The following CRTAP variants were observed in gnomAD, a reference collection of about 807,000 sequenced individuals.
The protein encoded by CRTAP is cartilage-associated protein.
Under a neutral mutation model 42.7 loss-of-function variants are expected in CRTAP, and 33 were observed. The ratio of observed to expected loss-of-function variants is 0.77; its 90% CI spans 0.59 to 1.03. The LOEUF is 1.03. CRTAP is among the 50% of genes least tolerant of loss of function. The pLI is 0.00. For synonymous variants in CRTAP, 243 were observed against 217.7 expected (o/e 1.12, Z -1.02); for missense variants, 613 against 533.9 (o/e 1.15, Z -1.46).
In CRTAP at chr3:33,114,356, G is replaced by A; in HGVS notation, c.279G>A (p.Gln93=). The A allele has an allele frequency of 6.6e-7, 1 of 1,521,992 alleles. No homozygotes were observed. Among genetic ancestry groups the A allele is most frequent in the Non-Finnish European group, 8.8e-7 (1 of 1,141,202 alleles). The allele number at this position is 1,521,992 out of a possible 1,614,324, so 94.3% of individuals were successfully genotyped here. ...FCHRNCSAAP[Q]PEPAAGLASY... ...ACCGCAACTGCAGCGCCGCGCCGCA[G>A]CCCGAGCCCGCCGCCGGCCTCGCCA... is the stretch of plus-strand genomic sequence containing the variant. Residue 93 remains glutamine, a synonymous_variant, in exon 1 of 7, where the codon CAG becomes CAA. Coordinates refer to ENST00000320954, the MANE Select transcript of CRTAP (RefSeq NM_006371.5).
intron 3 of CRTAP, among the ~76,000 whole-genome samples, chr3:33,128,500 G>A (rs1014414200): frequency 5.3e-5 from 8 of 152,110 alleles, no homozygotes; most frequent in Non-Finnish European, 8.8e-5. Context: ...TGGCTGGACC[G>A]CTATATAAAT....
chr3:33,114,465 C>A lies in CRTAP; in HGVS notation c.388C>A (p.Arg130Ser), dbSNP rs969878155. 6 of 1,593,898 alleles carry A rather than the reference C, an allele frequency of 3.8e-6. No individual in the cohort carries two copies. In the East Asian group the frequency reaches 1.4e-4, roughly 36 times the overall value. The change falls in exon 1 of 7, where the codon CGC (arginine) becomes AGC (serine). Residue 130 changes from arginine (R) to serine (S), a missense_variant. By Grantham distance (110) the Arg-to-Ser change is moderately radical. Transcript: ENST00000320954. ...CTGCAAGCAGGGCCTGCCAGCCTTCCGCCAGTCCCAGCCCAGCCGCGAGGT... is the reference window on the plus strand; with the variant it reads ...CTGCAAGCAGGGCCTGCCAGCCTTCAGCCAGTCCCAGCCCAGCCGCGAGGT... ...KRCKQGLPAF[R>S]QSQPSREVLA... is the part of the protein sequence containing the mutation.
chr3:33,122,994 C>T (rs1042204602), intron 2 of CRTAP, among the ~76,000 whole-genome samples: 9 of 152,002 alleles, frequency 5.9e-5, no homozygotes, highest in Admixed American at 3.9e-4. Flanking sequence ...GATGAAGTCT[C>T]GCCCTGTTGC....
rs1306748698 is a variant in CRTAP at position 33,147,729 on chromosome 3, TTTTG to T, written c.*5285_*5288del. On this transcript the variant is annotated 3_prime_UTR_variant, in exon 7 of 7. Transcript: ENST00000320954. ...TAGAAAATAGTTGAAAACAAAAGGT[TTTTG>T]TTTTTCTTTTTAAATCACATTAAAT... 5 of 152,214 alleles carry T rather than the reference TTTTG, an allele frequency of 3.3e-5. No individual in the cohort carries two copies. The highest frequency in any genetic ancestry group is 1.3e-4 in the Admixed American group (2 of 15,286). 9.4% of individuals were successfully genotyped at this position (152,214 alleles called of 1,614,324 possible).
chr3:33,134,103 C>T (rs530754317), intron 5 of CRTAP, 79 bp from the exon 6 acceptor site: 188 of 954,296 alleles, frequency 2.0e-4, no homozygotes, highest in African/African-American at 1.9e-3. Context: ...GAAAAAACCC[C>T]ATATCCTGTT....
intron 3 of CRTAP, among the ~76,000 whole-genome samples, chr3:33,129,554 TGGAGAC>T (rs1186783556): frequency 1.4e-5 from 2 of 147,936 alleles, no homozygotes; most frequent in African/African-American, 2.5e-5. Context: ...TTTTTTTTTT[TGGAGAC>T]GGAGTCTTGC....
At position 33,114,029 on chromosome 3, in the gene CRTAP, C is replaced by T. The variant is rs763917472; in HGVS notation, c.-49C>T. 2.4e-5 allele frequency: 33 copies of T among 1,354,466 alleles called. No individual in the cohort carries two copies. Among genetic ancestry groups the T allele is most frequent in the Non-Finnish European group, 2.7e-5 (28 of 1,028,560 alleles). 83.9% of individuals were successfully genotyped at this position (1,354,466 alleles called of 1,614,324 possible). The stretch of plus-strand genomic sequence containing the variant: ...CGTCCTCTTTCCTTTCCTTCTCCCT[C>T]CCCTTTTCCCTTCCTTCGTCCCTTC... On this transcript the variant is annotated 5_prime_UTR_variant, in exon 1 of 7. Coordinates refer to ENST00000320954, the MANE Select transcript of CRTAP (RefSeq NM_006371.5).
At chr3:33,135,202 C>T (rs939910209) in intron 6 of CRTAP, among the ~76,000 whole-genome samples, 1 of 152,134 alleles carries the variant, frequency 6.6e-6, no homozygotes, top group East Asian at 1.9e-4. Context: ...GATGCAATGC[C>T]TATGTCTTGG....
chr3:33,137,425 G>A (rs1453364363), intron 6 of CRTAP, among the ~76,000 whole-genome samples: 2 of 152,240 alleles, frequency 1.3e-5, no homozygotes, highest in African/African-American at 2.4e-5. Context: ...ACAGGCGTGA[G>A]CTACTGCACC....
Position 33,145,322 on chromosome 3 carries a change from A to T in CRTAP, c.*2874A>T, listed in dbSNP as rs541113914. ...CCACGTCCACAAAATCTGTACTCCC[A>T]GCGGGGGTGTTTGGCCCGAGGAGTC... On this transcript the variant is annotated 3_prime_UTR_variant, in exon 7 of 7. Coordinates refer to ENST00000320954, the MANE Select transcript of CRTAP (RefSeq NM_006371.5). This position sits in a 1 kb window ranked among gnomAD's most constrained non-coding sequence, Gnocchi z 4.3. 19 of 152,460 alleles carry T rather than the reference A, an allele frequency of 1.2e-4. No homozygotes were observed. The highest frequency in any genetic ancestry group is 1.0e-3 in the Admixed American group (16 of 15,292). 9.4% of individuals were successfully genotyped at this position (152,460 alleles called of 1,614,324 possible). A position where few individuals can be genotyped will look rare whatever the true frequency, so the allele number is the denominator to read the frequency against.
In CRTAP at chr3:33,142,686, G is replaced by T. The variant is rs886058348; in HGVS notation, c.*238G>T. The stretch of plus-strand genomic sequence containing the variant: ...CACCTTTTTTTTGAGATGGAGTCTC[G>T]CTCTCTTGCCCAGGCTGGAGTGCAA... On this transcript the variant is annotated 3_prime_UTR_variant, in exon 7 of 7. Transcript: ENST00000320954. The T allele has an allele frequency of 4.1e-6, 2 of 490,542 alleles. No individual in the cohort carries two copies. Among genetic ancestry groups the T allele is most frequent in the Non-Finnish European group, 7.5e-6 (2 of 268,248 alleles). The allele number at this position is 490,542 out of a possible 1,614,324, so 30.4% of individuals were successfully genotyped here.
rs2030625084 is a variant in CRTAP at position 33,143,093 on chromosome 3, C to G, written c.*645C>G. On this transcript the variant is annotated 3_prime_UTR_variant, in exon 7 of 7. Coordinates refer to ENST00000320954, the MANE Select transcript of CRTAP (RefSeq NM_006371.5). ...ATTTTGGTTTGAAGGGCAGTCTTCT[C>G]TGGCTTGTTTTTTTGTTTTTCCCAG... 6.6e-6 allele frequency: 1 copy of G among 152,260 alleles called. No homozygotes were observed. 9.4% of individuals were successfully genotyped at this position (152,260 alleles called of 1,614,324 possible).
intron 1 of CRTAP, 78 bp from the exon 2 acceptor site, chr3:33,120,266 A>G: frequency 2.4e-6 from 3 of 1,268,772 alleles, no homozygotes; most frequent in East Asian, 4.6e-5. Context: ...TTTCTGAAGG[A>G]CTAAGCAGAT....
intron 1 of CRTAP, among the ~76,000 whole-genome samples, chr3:33,116,218 T>G (rs761526291): frequency 6.6e-6 from 1 of 152,240 alleles, no homozygotes; most frequent in Non-Finnish European, 1.5e-5. Flanking sequence ...TTACTCAATG[T>G]GACCAAAAGG....
intron 5 of CRTAP, 95 bp downstream of exon 5, chr3:33,132,795 A>T: frequency 6.8e-7 from 1 of 1,480,450 alleles, no homozygotes; most frequent in Non-Finnish European, 9.3e-7. Context: ...TTGGAAATAA[A>T]GGGGCTGGGC....
intron 1 of CRTAP, among the ~76,000 whole-genome samples, chr3:33,116,522 C>A (rs1344672975): frequency 3.3e-5 from 5 of 152,126 alleles, no homozygotes; most frequent in African/African-American, 4.8e-5. Context: ...CCACACCCAG[C>A]TAATTTTTGT....
intron 3 of CRTAP, among the ~76,000 whole-genome samples, chr3:33,125,489 A>AG (rs1321604638): frequency 4.9e-5 from 3 of 61,580 alleles, no homozygotes; most frequent in African/African-American, 1.1e-4. Flanking sequence ...TCTACAAAGT[A>AG]GGTTTTTTTT....
intron 3 of CRTAP, among the ~76,000 whole-genome samples, chr3:33,125,735 A>G (rs2030046873): frequency 6.6e-6 from 1 of 152,152 alleles, no homozygotes; most frequent in Non-Finnish European, 1.5e-5. Flanking sequence ...ATATACCTTT[A>G]GAAGGTAAGG....
In CRTAP at chr3:33,146,430, C is replaced by T. The variant is rs961432973; in HGVS notation, c.*3982C>T. 1 of 152,298 alleles carries T rather than the reference C, an allele frequency of 6.6e-6. No homozygotes were observed. The highest frequency in any genetic ancestry group is 6.5e-5 in the Admixed American group (1 of 15,274). 9.4% of individuals were successfully genotyped at this position (152,298 alleles called of 1,614,324 possible). A position where few individuals can be genotyped will look rare whatever the true frequency, so the allele number is the denominator to read the frequency against. The stretch of plus-strand genomic sequence containing the variant: ...AGGGTCTAAAGATACTCCTTGTGGC[C>T]ACTGCTACTGTTCACACTTGACTTG... On this transcript the variant is annotated 3_prime_UTR_variant, in exon 7 of 7. Coordinates refer to ENST00000320954, the MANE Select transcript of CRTAP (RefSeq NM_006371.5).
Sources: allele counts gnomAD v4.1 joint callset (sites outside exome capture counted in the v4.1 genomes callset), GRCh38; gene constraint gnomAD v4.1.1; non-coding constraint Gnocchi (gnomAD v3.1); transcripts MANE v1.5; gene names NCBI Gene and HGNC (gene_info 2026-07-23, HGNC 2026-07-21).